Variants in STK38 observed in about 807,000 individuals in gnomAD.
STK38 encodes serine/threonine-protein kinase 38.
In STK38, 26 loss-of-function variants were observed where a neutral mutation model predicts 59.0. That is an observed-to-expected ratio of 0.44 (90% CI 0.32 to 0.61). STK38 has a LOEUF of 0.61. Among genes scored for constraint, STK38 ranks in the 20% least tolerant of loss-of-function variants. The pLI, the probability that STK38 is intolerant of heterozygous loss-of-function variation, is 0.04. For missense variants in STK38, 433 were observed against 566.0 expected, an observed-to-expected ratio of 0.76 and a Z score of 2.38; for synonymous variants, 175 against 176.6, an observed-to-expected ratio of 0.99 and a Z score of 0.07.
rs1416015206 is a variant in STK38 at position 36,500,982 on chromosome 6, G to T, written c.835-992C>A. ...AATGTTTTCTTTTTCTAAGAAATGG[G>T]GGTCTCCCTTTGTGGGCCCAGGCTG... On this transcript the variant is annotated intron_variant, in intron 9 of 13. Transcript: ENST00000229812. 3.3e-5 allele frequency among the ~76,000 whole-genome samples: 5 copies of T among 151,400 alleles called. No homozygotes were observed. In the East Asian group the frequency reaches 9.7e-4, roughly 29 times the overall value.
intron 2 of STK38, among the ~76,000 whole-genome samples, chr6:36,534,840 G>GAA (rs756142387): frequency 8.4e-6 from 1 of 119,370 alleles, no homozygotes; most frequent in Non-Finnish European, 1.8e-5. Flanking sequence ...CTAAGGCAAG[G>GAA]AAAAAAAAAA....
chr6:36,504,822 G>A (rs1776920554), intron 9 of STK38, among the ~76,000 whole-genome samples: 3 of 140,960 alleles, frequency 2.1e-5, no homozygotes, highest in Admixed American at 7.7e-5. Context: ...TGGAATATAA[G>A]GAACAATTCA....
intron 2 of STK38, among the ~76,000 whole-genome samples, chr6:36,527,148 C>T (rs1477689734): frequency 6.5e-5 from 9 of 138,120 alleles, no homozygotes; most frequent in Non-Finnish European, 9.2e-5. Flanking sequence ...GTCAAGATCA[C>T]GCCACTGCAT....
At position 36,540,345 on chromosome 6, in the gene STK38, A is replaced by G. The variant is rs1777903534; in HGVS notation, c.-5-138T>C. ...ACAGGTAATATGTAACAAAAGCCAGAGAAAGAGAATACTTAGTGAAAATAA... is the reference window on the plus strand; with the variant it reads ...ACAGGTAATATGTAACAAAAGCCAGGGAAAGAGAATACTTAGTGAAAATAA... On this transcript the variant is annotated intron_variant, in intron 1 of 13. Coordinates refer to ENST00000229812, the MANE Select transcript of STK38 (RefSeq NM_007271.4). The G allele has an allele frequency of 8.8e-6, 7 of 799,544 alleles. No homozygotes were observed. In the South Asian group the frequency reaches 1.3e-4, roughly 15 times the overall value. 49.5% of individuals were successfully genotyped at this position (799,544 alleles called of 1,614,324 possible).
At chr6:36,496,023 G>T in intron 13 of STK38, 109 bp from the exon 14 acceptor site, 9 of 1,198,600 alleles carry the variant, frequency 7.5e-6, no homozygotes, top group East Asian at 2.6e-5. Flanking sequence ...ATTTGGGAAA[G>T]CTTATTTTTC....
chr6:36,510,589 T>C (rs779059227), intron 7 of STK38, among the ~76,000 whole-genome samples: 3 of 152,220 alleles, frequency 2.0e-5, no homozygotes, highest in Non-Finnish European at 4.4e-5. Flanking sequence ...AGCTGGCATC[T>C]TCCCAGCAGA....
chr6:36,496,106 G>T (rs1397469199), intron 13 of STK38, among the ~76,000 whole-genome samples, 192 bp from the exon 14 acceptor site: 1 of 148,508 alleles, frequency 6.7e-6, no homozygotes, highest in Admixed American at 6.8e-5. Context: ...GTGCAGTGGC[G>T]TCATCTCAGC....
At chr6:36,521,646 TA>T (rs913050197) in intron 5 of STK38, 87 bp downstream of exon 5, 14 of 954,834 alleles carry the variant, frequency 1.5e-5, no homozygotes, top group Non-Finnish European at 2.1e-5. Context: ...AAAACTGTAA[TA>T]AAAATATATA....
intron 7 of STK38, among the ~76,000 whole-genome samples, chr6:36,514,047 C>T (rs954163443): frequency 1.7e-4 from 25 of 149,786 alleles, no homozygotes; most frequent in Admixed American, 1.3e-3. Context: ...CCCAGCTACT[C>T]GAGAGGCTGA....
chr6:36,545,058 G>A (rs1168356504), intron 1 of STK38, among the ~76,000 whole-genome samples: 1 of 152,110 alleles, frequency 6.6e-6, no homozygotes, highest in African/African-American at 2.4e-5. Context: ...GGGAGGCTGA[G>A]GCAGGTGGAT....
Position 36,540,177 on chromosome 6 carries a change from C to T in STK38, c.26G>A (p.Cys9Tyr), listed in dbSNP as rs1382998209. Reference sequence around the variant, plus strand: ...CTTTGTGTGGTTACTCATGGATGAGCAAGGTGTTGAGCCTGTCATTGCCAT... The same window carrying T: ...CTTTGTGTGGTTACTCATGGATGAGTAAGGTGTTGAGCCTGTCATTGCCAT... MAMTGSTP[C>Y]SSMSNHTKER... is the part of the protein sequence containing the mutation. Residue 9 changes from cysteine (C) to tyrosine (Y), a missense_variant, in exon 2 of 14, where the codon TGC (cysteine) becomes TAC (tyrosine). Transcript: ENST00000229812. 3.7e-6 allele frequency: 6 copies of T among 1,613,870 alleles called. No individual in the cohort carries two copies. Among genetic ancestry groups the T allele is most frequent in the Non-Finnish European group, 5.1e-6 (6 of 1,179,968 alleles).
intron 10 of STK38, 95 bp from the exon 11 acceptor site, chr6:36,498,581 T>TC: frequency 1.4e-6 from 2 of 1,397,204 alleles, no homozygotes; most frequent in Non-Finnish European, 9.6e-7. Context: ...TCTTTTTTTT[T>TC]CTTTTTTCTT....
intron 2 of STK38, among the ~76,000 whole-genome samples, chr6:36,532,939 G>A (rs900069296): frequency 2.0e-5 from 3 of 151,802 alleles, no homozygotes; most frequent in Non-Finnish European, 4.4e-5. Flanking sequence ...CGACATGGTG[G>A]CGTGCTCCTG....
intron 2 of STK38, among the ~76,000 whole-genome samples, chr6:36,526,135 G>C (rs897670058): frequency 1.3e-5 from 2 of 151,802 alleles, no homozygotes; most frequent in Admixed American, 1.3e-4. Context: ...CCCGCCCTTA[G>C]GTCTACATTT....
At chr6:36,527,216 A>ATATATATATG (rs1561986922) in intron 2 of STK38, among the ~76,000 whole-genome samples, 1 of 139,334 alleles carries the variant, frequency 7.2e-6, no homozygotes, top group African/African-American at 2.7e-5. Context: ...AAATATATGT[A>ATATATATATG]TATATATATA....
At chr6:36,504,291 A>G (rs1334497711) in intron 9 of STK38, among the ~76,000 whole-genome samples, 1 of 152,236 alleles carries the variant, frequency 6.6e-6, no homozygotes, top group African/African-American at 2.4e-5. Flanking sequence ...ACAATTTAAA[A>G]CATTACAATA....
At chr6:36,527,870 C>G (rs1777568920) in intron 2 of STK38, among the ~76,000 whole-genome samples, 1 of 151,156 alleles carries the variant, frequency 6.6e-6, no homozygotes, top group African/African-American at 2.4e-5. Context: ...GAGGCTGAGG[C>G]AGGCAGATCA....
At chr6:36,512,639 A>G (rs28588826) in intron 7 of STK38, among the ~76,000 whole-genome samples, 2 of 152,178 alleles carry the variant, frequency 1.3e-5, no homozygotes, top group Non-Finnish European at 2.9e-5. Context: ...GTTATCTTTC[A>G]GTGATTAGAT....
At chr6:36,496,861 C>A in intron 12 of STK38, 56 bp from the exon 13 acceptor site, 1 of 1,293,942 alleles carries the variant, frequency 7.7e-7, no homozygotes, top group East Asian at 2.4e-5. Flanking sequence ...TGGATCATAC[C>A]AATCAAGTCT....
Sources: allele counts gnomAD v4.1 joint callset (sites outside exome capture counted in the v4.1 genomes callset), GRCh38; gene constraint gnomAD v4.1.1; transcripts MANE v1.5; gene names NCBI Gene and HGNC (gene_info 2026-07-23, HGNC 2026-07-21).